Variants in OR2H2 observed in about 807,000 individuals in gnomAD.
OR2H2 encodes the protein olfactory receptor 2H2.
For synonymous variants in OR2H2, 146 were observed against 132.4 expected (o/e 1.10, Z -0.71); for missense variants, 295 against 313.7 (o/e 0.94, Z 0.45).
Position 29,588,146 on chromosome 6 carries a change from G to T in OR2H2, c.202G>T (p.Asp68Tyr), listed in dbSNP as rs536997575. 1 of 1,192,842 alleles carries T rather than the reference G, an allele frequency of 8.4e-7. No homozygotes were observed. Among genetic ancestry groups the T allele is most frequent in the East Asian group, 2.3e-5 (1 of 43,016 alleles). The allele number at this position is 1,192,842 out of a possible 1,614,324, so 73.9% of individuals were successfully genotyped here. The change falls in exon 2 of 2, where the codon GAC (aspartate) becomes TAC (tyrosine). Residue 68 changes from aspartate (D) to tyrosine (Y), a missense_variant. Coordinates refer to ENST00000641840, the MANE Select transcript of OR2H2 (RefSeq NM_007160.4). ...TTTCCTCTCCAACCTCTCCTTCTTG[G>T]ACCTCTGTTTCACCACGAGTTGTGT... Reference protein sequence around the residue: ...YFFLSNLSFLDLCFTTSCVPQ... With the variant: ...YFFLSNLSFLYLCFTTSCVPQ...
At position 29,590,056 on chromosome 6, in the gene OR2H2, A is replaced by G. The variant is rs1760563680; in HGVS notation, c.*1173A>G. The G allele has an allele frequency of 6.6e-6, 1 of 152,250 alleles. No individual in the cohort carries two copies. The highest frequency in any genetic ancestry group is 2.1e-4 in the South Asian group (1 of 4,836). 9.4% of individuals were successfully genotyped at this position (152,250 alleles called of 1,614,324 possible). ...GAATGGTTATATTGGTACTCAAAGTACGGTTTCTACTGAATGTATCTCTTT... is the reference window on the plus strand; with the variant it reads ...GAATGGTTATATTGGTACTCAAAGTGCGGTTTCTACTGAATGTATCTCTTT... On this transcript the variant is annotated 3_prime_UTR_variant, in exon 2 of 2. Transcript: ENST00000641840.
chr6:29,588,513 C>G lies in OR2H2; in HGVS notation c.569C>G (p.Thr190Ser). The change falls in exon 2 of 2, where the codon ACC becomes AGC. Residue 190 changes from threonine (T) to serine (S), a missense_variant. Coordinates refer to ENST00000641840, the MANE Select transcript of OR2H2 (RefSeq NM_007160.4). ...PALIRLSCED[T>S]SYNEIQVAVA... ...CTAATTCGACTCTCCTGTGAAGACACCTCCTACAATGAGATCCAGGTGGCT... is the reference window on the plus strand; with the variant it reads ...CTAATTCGACTCTCCTGTGAAGACAGCTCCTACAATGAGATCCAGGTGGCT... 1.0e-6 allele frequency: 1 copy of G among 970,132 alleles called. No individual in the cohort carries two copies. Among genetic ancestry groups the G allele is most frequent in the Non-Finnish European group, 1.7e-6 (1 of 591,988 alleles). 60.1% of individuals were successfully genotyped at this position (970,132 alleles called of 1,614,324 possible). A position where few individuals can be genotyped will look rare whatever the true frequency, so the allele number is the denominator to read the frequency against.
At chr6:29,586,485 T>TA (rs771489542) in intron 1 of OR2H2, among the ~76,000 whole-genome samples, 6,127 of 82,276 alleles carry the variant, frequency 0.074, 396 homozygotes, top group African/African-American at 0.17. Context: ...AACGTGACTC[T>TA]AAAAAAAAAA....
chr6:29,588,002 G>A lies in OR2H2; in HGVS notation c.58G>A (p.Gly20Arg). 1 of 996,854 alleles carries A rather than the reference G, an allele frequency of 1.0e-6. No individual in the cohort carries two copies. Among genetic ancestry groups the A allele is most frequent in the African/African-American group, 1.5e-5 (1 of 64,776 alleles). The allele number at this position is 996,854 out of a possible 1,614,324, so 61.8% of individuals were successfully genotyped here. ...CCTTCTGGGCTTCTCTGAACACCCAGGGCTGGAAAGGACTCTCTTCGTGGT... is the reference window on the plus strand; with the variant it reads ...CCTTCTGGGCTTCTCTGAACACCCAAGGCTGGAAAGGACTCTCTTCGTGGT... ...FLLLGFSEHP[G>R]LERTLFVVVL... Residue 20 changes from glycine to arginine, a missense_variant, in exon 2 of 2, where the codon GGG (glycine) becomes AGG (arginine). Coordinates refer to ENST00000641840, the MANE Select transcript of OR2H2 (RefSeq NM_007160.4).
chr6:29,588,713 T>C lies in OR2H2; in HGVS notation c.769T>C (p.Tyr257His). The C allele has an allele frequency of 4.7e-6, 7 of 1,499,380 alleles. No homozygotes were observed. Among genetic ancestry groups the C allele is most frequent in the Non-Finnish European group, 6.5e-6 (7 of 1,077,420 alleles). The allele number at this position is 1,499,380 out of a possible 1,614,324, so 92.9% of individuals were successfully genotyped here. Reference sequence around the variant, plus strand: ...CTTCTACAGCTCAGTCATTGCTGTCTACCTCCAGCCCAAAAATCCCTATGC... The same window carrying C: ...CTTCTACAGCTCAGTCATTGCTGTCCACCTCCAGCCCAAAAATCCCTATGC... ...TLFYSSVIAV[Y>H]LQPKNPYAQE... is the part of the protein sequence containing the mutation. The change falls in exon 2 of 2, where the codon TAC becomes CAC. Residue 257 changes from tyrosine to histidine, a missense_variant. Coordinates refer to ENST00000641840, the MANE Select transcript of OR2H2 (RefSeq NM_007160.4).
chr6:29,589,585 A>T lies in OR2H2; in HGVS notation c.*702A>T, dbSNP rs560976656. ...AAGGAGCAGCCAAAAAGACACAAAA[A>T]TATCTTCATGTTTAGGCTGGCACAT... On this transcript the variant is annotated 3_prime_UTR_variant, in exon 2 of 2. Transcript: ENST00000641840. 4.8e-4 allele frequency: 73 copies of T among 152,374 alleles called. No homozygotes were observed. Among genetic ancestry groups the T allele is most frequent in the African/African-American group, 1.8e-3 (73 of 41,572 alleles). The allele number at this position is 152,374 out of a possible 1,614,324, so 9.4% of individuals were successfully genotyped here. A position where few individuals can be genotyped will look rare whatever the true frequency, so the allele number is the denominator to read the frequency against.
intron 1 of OR2H2, among the ~76,000 whole-genome samples, chr6:29,586,109 T>C (rs1176713950): frequency 1.3e-5 from 2 of 152,258 alleles, no homozygotes; most frequent in Non-Finnish European, 2.9e-5. Flanking sequence ...CTTGTGAATA[T>C]ACTTTAAACC....
intron 1 of OR2H2, among the ~76,000 whole-genome samples, chr6:29,586,485 T>TAAAAAA (rs771489542): frequency 7.6e-4 from 63 of 82,430 alleles, no homozygotes; most frequent in African/African-American, 2.6e-3. Flanking sequence ...AACGTGACTC[T>TAAAAAA]AAAAAAAAAA....
chr6:29,586,938 A>G (rs1760302727), intron 1 of OR2H2, among the ~76,000 whole-genome samples: 2 of 151,952 alleles, frequency 1.3e-5, no homozygotes, highest in African/African-American at 4.8e-5. Flanking sequence ...CCCAGCCCTC[A>G]ACTGACCTTC....
Position 29,587,051 on chromosome 6 carries a change from C to T in OR2H2, c.-275-619C>T, listed in dbSNP as rs533264193. Among the ~76,000 whole-genome samples, 192 of 152,312 alleles carry T rather than the reference C, an allele frequency of 1.3e-3. 1 individual carries two copies. Among genetic ancestry groups the T allele is most frequent in the African/African-American group, 3.6e-3 (150 of 41,556 alleles). ...AAATTGGTCAGTCATCCTACAGAAC[C>T]TTTACTCTCATTCACCCAGTACATT... is the stretch of plus-strand genomic sequence containing the variant. On this transcript the variant is annotated intron_variant, in intron 1 of 1. Coordinates refer to ENST00000641840, the MANE Select transcript of OR2H2 (RefSeq NM_007160.4).
At position 29,585,299 on chromosome 6, in the gene OR2H2, G is replaced by A. The variant is rs527387737; in HGVS notation, c.-327G>A. The A allele has an allele frequency of 9.2e-5, 14 of 152,284 alleles. No individual in the cohort carries two copies. The South Asian group carries it at 1.9e-3, about 20-fold the overall frequency. The allele number at this position is 152,284 out of a possible 1,614,324, so 9.4% of individuals were successfully genotyped here. On this transcript the variant is annotated 5_prime_UTR_variant, in exon 1 of 2. Coordinates refer to ENST00000641840, the MANE Select transcript of OR2H2 (RefSeq NM_007160.4). ...AGTGGAGGCTGGGCACCAGTTAAGA[G>A]CTCTGTCATGGGGAATTGCTGGTAC...
chr6:29,587,992 T>C lies in OR2H2; in HGVS notation c.48T>C (p.Ser16=), dbSNP rs1760389779. 2.0e-6 allele frequency: 2 copies of C among 1,012,146 alleles called. No homozygotes were observed. Among genetic ancestry groups the C allele is most frequent in the Non-Finnish European group, 1.6e-6 (1 of 628,456 alleles). The allele number at this position is 1,012,146 out of a possible 1,614,324, so 62.7% of individuals were successfully genotyped here. ...STPGFLLLGF[S]EHPGLERTLF... ...CGGGCTTCCTCCTTCTGGGCTTCTC[T>C]GAACACCCAGGGCTGGAAAGGACTC... The change falls in exon 2 of 2, where the codon TCT becomes TCC. Residue 16 remains serine, a synonymous_variant. Transcript: ENST00000641840.
rs1408423338 is a variant in OR2H2 at position 29,588,577 on chromosome 6, C to T, written c.633C>T (p.Leu211=). 9.7e-7 allele frequency: 1 copy of T among 1,031,702 alleles called. No individual in the cohort carries two copies. Among genetic ancestry groups the T allele is most frequent in the Non-Finnish European group, 1.5e-6 (1 of 648,850 alleles). 63.9% of individuals were successfully genotyped at this position (1,031,702 alleles called of 1,614,324 possible). The change falls in exon 2 of 2, where the codon CTC becomes CTT. Residue 211 remains leucine (L), a synonymous_variant. Coordinates refer to ENST00000641840, the MANE Select transcript of OR2H2 (RefSeq NM_007160.4). The stretch of plus-strand genomic sequence containing the variant: ...TCATCTTGGTTGTGCCTCTCAGCCT[C>T]ATCCTTGTCTCTTACGGAGCCATTA... ...SVFILVVPLS[L]ILVSYGAITW...
chr6:29,585,391 T>G (rs957531951), intron 1 of OR2H2, 41 bp downstream of exon 1: 2 of 152,242 alleles, frequency 1.3e-5, no homozygotes, highest in African/African-American at 4.8e-5. Context: ...GATATCAGTT[T>G]CCGCCTATCC....
In OR2H2 at chr6:29,587,910, A is replaced by C; in HGVS notation, c.-35A>C. The C allele has an allele frequency of 1.3e-6, 1 of 751,270 alleles. No individual in the cohort carries two copies. Among genetic ancestry groups the C allele is most frequent in the South Asian group, 1.5e-5 (1 of 66,114 alleles). 46.5% of individuals were successfully genotyped at this position (751,270 alleles called of 1,614,324 possible). On this transcript the variant is annotated 5_prime_UTR_variant, in exon 2 of 2. Coordinates refer to ENST00000641840, the MANE Select transcript of OR2H2 (RefSeq NM_007160.4). ...ACAGGTTGAATCACACTGGAGTGAC[A>C]GCCTCATCCCTCCAGGTACAAACAA...
At position 29,590,420 on chromosome 6, in the gene OR2H2, G is replaced by C. The variant is rs1216057870; in HGVS notation, c.*1537G>C. ...TCTAAATGATCCCCCAGCCGAAGGG[G>C]TTTCACTTCCTTAAAATAAGAGTTT... On this transcript the variant is annotated 3_prime_UTR_variant, in exon 2 of 2. Transcript: ENST00000641840. 3 of 152,156 alleles carry C rather than the reference G, an allele frequency of 2.0e-5. No homozygotes were observed. The highest frequency in any genetic ancestry group is 4.4e-5 in the Non-Finnish European group (3 of 68,034). 9.4% of individuals were successfully genotyped at this position (152,156 alleles called of 1,614,324 possible).
chr6:29,585,652 C>G (rs1282228211), intron 1 of OR2H2, among the ~76,000 whole-genome samples: 2 of 152,130 alleles, frequency 1.3e-5, no homozygotes, highest in African/African-American at 4.8e-5. Flanking sequence ...TATCATAAAC[C>G]CCTTTCAAAG....
chr6:29,588,918 G>A lies in OR2H2; in HGVS notation c.*35G>A, dbSNP rs369423849. The A allele has an allele frequency of 5.2e-6, 4 of 763,180 alleles. No homozygotes were observed. Among genetic ancestry groups the A allele is most frequent in the Non-Finnish European group, 9.7e-6 (4 of 410,680 alleles). 47.3% of individuals were successfully genotyped at this position (763,180 alleles called of 1,614,324 possible). A position where few individuals can be genotyped will look rare whatever the true frequency, so the allele number is the denominator to read the frequency against. ...GCTTAATGTGCTTTAAAAGAGAGGA[G>A]ATTCTATGTGCTTTTATCAGAAAGT... On this transcript the variant is annotated 3_prime_UTR_variant, in exon 2 of 2. Transcript: ENST00000641840.
chr6:29,586,534 G>T (rs867448561), intron 1 of OR2H2, among the ~76,000 whole-genome samples: 1 of 151,752 alleles, frequency 6.6e-6, no homozygotes, highest in African/African-American at 2.4e-5. Context: ...ACATCTTGAG[G>T]GGTGACAAAT....
Sources: gnomAD v4.1 joint callset for allele counts (sites outside exome capture counted in the v4.1 genomes callset) on GRCh38, gnomAD v4.1.1 for gene constraint, MANE v1.5 for transcripts, NCBI Gene and HGNC (gene_info 2026-07-23, HGNC 2026-07-21) for gene names.